MAP2: variants seen among roughly 807,000 people sequenced by gnomAD.
The protein encoded by MAP2 is microtubule-associated protein 2.
In MAP2, 14 loss-of-function variants were observed where a neutral mutation model predicts 137.6. The ratio of observed to expected loss-of-function variants is 0.10; its 90% CI spans 0.07 to 0.16. The LOEUF (loss-of-function observed/expected upper bound fraction) is 0.16. MAP2 is among the 10% of genes least tolerant of loss of function. The probability of loss-of-function intolerance (pLI) is 1.00; values close to 1 mark genes in which losing one functional copy is unlikely to be tolerated. For synonymous variants in MAP2, 786 were observed against 782.3 expected (o/e 1.00, Z -0.08); for missense variants, 2,088 against 2,191.5 (o/e 0.95, Z 0.94).
chr2:209,528,771 T>TATGTACATATGTATGTATATATGTAC (rs1382884558), intron 2 of MAP2, among the ~76,000 whole-genome samples: 16 of 148,776 alleles, frequency 1.1e-4, no homozygotes, highest in Non-Finnish European at 1.8e-4. Flanking sequence ...TATATATGTA[T>TATGTACATATGTATGTATATATGTAC]ATGTACATAT....
chr2:209,446,927 A>G (rs1699201323), intron 1 of MAP2, among the ~76,000 whole-genome samples: 1 of 151,892 alleles, frequency 6.6e-6, no homozygotes, highest in African/African-American at 2.4e-5. Flanking sequence ...TGTCACTTCA[A>G]TAGCAGATAT....
At chr2:209,557,245 C>T (rs1242534821) in intron 2 of MAP2, among the ~76,000 whole-genome samples, 6 of 152,210 alleles carry the variant, frequency 3.9e-5, no homozygotes, top group Non-Finnish European at 8.8e-5. Context: ...GTGGCACCAT[C>T]TTGTTCTCTC....
In MAP2 at chr2:209,709,992, G is replaced by C. The variant is rs1173119852; in HGVS notation, c.4811G>C (p.Gly1604Ala). 5.0e-6 allele frequency: 8 copies of C among 1,613,754 alleles called. No homozygotes were observed. Among genetic ancestry groups the C allele is most frequent in the Middle Eastern group, 1.6e-4 (1 of 6,084 alleles). Reference protein sequence around the residue: ...TTPGSTAITPGTPPSYSSRTP... With the variant: ...TTPGSTAITPATPPSYSSRTP... ...CCTGGGTCTACTGCCATCACTCCTG[G>C]CACCCCACCAAGTTATTCTTCACGC... The change falls in exon 13 of 16, where the codon GGC (glycine) becomes GCC (alanine). Residue 1604 changes from glycine (G) to alanine (A), a missense_variant. Gly to Ala is a moderately conservative substitution (Grantham distance 60). This residue lies in a region of MAP2 where 591 missense variants were observed against 642.6 expected (regional missense o/e 0.92). Coordinates refer to ENST00000682079, the MANE Select transcript of MAP2 (RefSeq NM_001375505.1).
chr2:209,695,036 G>A lies in MAP2; in HGVS notation c.2866G>A (p.Ala956Thr). The change falls in exon 8 of 16, where the codon GCT becomes ACT. Residue 956 changes from alanine (A) to threonine (T), a missense_variant. Physicochemically the swap from Ala to Thr is moderately conservative, Grantham distance 58 (BLOSUM62 0). Coordinates refer to ENST00000682079, the MANE Select transcript of MAP2 (RefSeq NM_001375505.1). Reference protein sequence around the residue: ...LSKEFDQEKKANDRLDTVLEK... With the variant: ...LSKEFDQEKKTNDRLDTVLEK... The stretch of plus-strand genomic sequence containing the variant: ...TAAGGAGTTTGACCAAGAGAAGAAA[G>A]CTAATGATAGGTTGGATACTGTACT... 1 of 1,614,128 alleles carries A rather than the reference G, an allele frequency of 6.2e-7. No homozygotes were observed. Among genetic ancestry groups the A allele is most frequent in the Non-Finnish European group, 8.5e-7 (1 of 1,180,020 alleles).
chr2:209,725,802 A>G lies in MAP2; in HGVS notation c.5155+12A>G. Reference sequence around the variant, plus strand: ...CCGCCACAGGCCAGGTAAATAAATAATTTTTAGTAGTTTGAGAAATATTTA... The same window carrying G: ...CCGCCACAGGCCAGGTAAATAAATAGTTTTTAGTAGTTTGAGAAATATTTA... On this transcript the variant is annotated intron_variant, in intron 14 of 15. Transcript: ENST00000682079. 1.3e-6 allele frequency: 2 copies of G among 1,551,740 alleles called. No individual in the cohort carries two copies. Among genetic ancestry groups the G allele is most frequent in the South Asian group, 1.2e-5 (1 of 81,910 alleles).
intron 1 of MAP2, among the ~76,000 whole-genome samples, chr2:209,500,117 C>T (rs558415850): frequency 6.6e-6 from 1 of 152,302 alleles, no homozygotes; most frequent in African/African-American, 2.4e-5. Context: ...CTTTTTTGAA[C>T]ACTTCTTTAA....
intron 12 of MAP2, among the ~76,000 whole-genome samples, chr2:209,707,697 A>G (rs572170723): frequency 6.6e-6 from 1 of 152,298 alleles, no homozygotes; most frequent in African/African-American, 2.4e-5. Flanking sequence ...TATTGTTTTG[A>G]TGACAAGAAC....
chr2:209,510,760 G>T (rs2061631217), intron 2 of MAP2, among the ~76,000 whole-genome samples: 2 of 152,080 alleles, frequency 1.3e-5, no homozygotes, highest in African/African-American at 4.8e-5. Flanking sequence ...TAGATAGAAT[G>T]ACGAGGTAAT....
intron 1 of MAP2, among the ~76,000 whole-genome samples, chr2:209,426,482 GCAGCACCTCTCAGGATGACTTGTTTA>G (rs1438382744): frequency 6.6e-6 from 1 of 152,054 alleles, no homozygotes; most frequent in Non-Finnish European, 1.5e-5. Flanking sequence ...TTCATTCTCT[GCAGCACCTCTCAGGATGACTTGTTTA>G]CAGCACCTTC....
chr2:209,434,860 A>ATGTTATATATG (rs1559157092), intron 1 of MAP2, among the ~76,000 whole-genome samples: 18 of 109,574 alleles, frequency 1.6e-4, no homozygotes, highest in African/African-American at 6.0e-4. Context: ...TTATATATAT[A>ATGTTATATATG]TGTTATATAT....
chr2:209,544,945 G>A (rs980410434), intron 2 of MAP2, among the ~76,000 whole-genome samples: 1 of 152,042 alleles, frequency 6.6e-6, no homozygotes, highest in Admixed American at 6.5e-5. Context: ...TTCTTCTTCT[G>A]GCCATTTCAC....
At chr2:209,548,937 C>T (rs933223278) in intron 2 of MAP2, among the ~76,000 whole-genome samples, 1 of 152,130 alleles carries the variant, frequency 6.6e-6, no homozygotes, top group African/African-American at 2.4e-5. Context: ...TTCTAAATTA[C>T]CCAGTCTCAG....
At position 209,625,050 on chromosome 2, in the gene MAP2, CAGAA is replaced by C. The variant is rs2092031221; in HGVS notation, c.-104_-101del. The C allele has an allele frequency of 6.6e-6, 1 of 151,990 alleles. No homozygotes were observed. Among genetic ancestry groups the C allele is most frequent in the African/African-American group, 2.4e-5 (1 of 41,384 alleles). The allele number at this position is 151,990 out of a possible 1,614,324, so 9.4% of individuals were successfully genotyped here. On this transcript the variant is annotated splice_acceptor_variant and 5_prime_UTR_variant, in exon 4 of 16. Transcript: ENST00000682079. LOFTEE classifies it low-confidence loss of function (5UTR_SPLICE). Reference sequence around the variant, plus strand: ...AACTATTAATTTTCTATTTTTTTAACAGAAAGAAGCCAGAAAATATTATCAACCC... The same window carrying C: ...AACTATTAATTTTCTATTTTTTTAACAGAAGCCAGAAAATATTATCAACCC...
intron 2 of MAP2, among the ~76,000 whole-genome samples, chr2:209,558,315 A>G (rs981044273): frequency 4.0e-5 from 6 of 151,892 alleles, no homozygotes; most frequent in African/African-American, 1.5e-4. Flanking sequence ...CAGCCTCCCA[A>G]GTAGTTGGGA....
chr2:209,485,218 A>G (rs1384966010), intron 1 of MAP2, among the ~76,000 whole-genome samples: 1 of 152,218 alleles, frequency 6.6e-6, no homozygotes, highest in African/African-American at 2.4e-5. Context: ...TGGTGGTACC[A>G]GACTGCTGTC....
At chr2:209,627,407 G>A (rs2092485040) in intron 4 of MAP2, among the ~76,000 whole-genome samples, 1 of 152,096 alleles carries the variant, frequency 6.6e-6, no homozygotes, top group Non-Finnish European at 1.5e-5. Context: ...GGAGGAAGAG[G>A]AATAGAAGAC....
intron 3 of MAP2, among the ~76,000 whole-genome samples, chr2:209,588,323 T>C (rs1427732457): frequency 6.6e-6 from 1 of 152,210 alleles, no homozygotes; most frequent in Non-Finnish European, 1.5e-5. Context: ...TTTTTTGTTT[T>C]TGTTTTTGTT....
intron 3 of MAP2, among the ~76,000 whole-genome samples, chr2:209,593,858 A>G (rs1368936767): frequency 8.8e-6 from 1 of 113,018 alleles, no homozygotes; most frequent in Non-Finnish European, 1.7e-5. Flanking sequence ...ATATTATAAA[A>G]TATATATTTA....
intron 2 of MAP2, among the ~76,000 whole-genome samples, chr2:209,579,036 C>T (rs1349665862): frequency 2.6e-5 from 4 of 151,666 alleles, no homozygotes; most frequent in Non-Finnish European, 4.4e-5. Context: ...TAAATATATG[C>T]ATTTCTTTAA....
Sources: gnomAD v4.1 joint callset for allele counts (sites outside exome capture counted in the v4.1 genomes callset) on GRCh38, gnomAD v4.1.1 for gene constraint, gnomAD v4.1.1 regional missense constraint, MANE v1.5 for transcripts, NCBI Gene and HGNC (gene_info 2026-07-23, HGNC 2026-07-21) for gene names.